The following VTI1A variants were observed in gnomAD, a reference collection of about 807,000 sequenced individuals.
VTI1A encodes the protein vesicle transport through interaction with t-SNAREs 1A.
In VTI1A, 22 loss-of-function variants were observed where a neutral mutation model predicts 34.9. That is an observed-to-expected ratio of 0.63 (90% CI 0.45 to 0.90). The LOEUF (loss-of-function observed/expected upper bound fraction) is 0.90. Among genes scored for constraint, VTI1A ranks in the 40% least tolerant of loss-of-function variants. The pLI is 0.00. For synonymous variants in VTI1A, 87 were observed against 97.3 expected, an observed-to-expected ratio of 0.89 and a Z score of 0.62; for missense variants, 268 against 275.6, an observed-to-expected ratio of 0.97 and a Z score of 0.20.
At chr10:112,776,374 C>G (rs866271509) in intron 7 of VTI1A, among the ~76,000 whole-genome samples, 19 of 152,144 alleles carry the variant, frequency 1.2e-4, no homozygotes, top group Middle Eastern at 3.2e-3. Flanking sequence ...CTGCTGCAAC[C>G]TTGGGGAGCT....
chr10:112,742,920 A>G (rs1303041166), intron 7 of VTI1A, among the ~76,000 whole-genome samples: 1 of 152,162 alleles, frequency 6.6e-6, no homozygotes, highest in Non-Finnish European at 1.5e-5. Context: ...TTGTAGATTT[A>G]TAAGCCAGGC....
At chr10:112,827,871 G>A in the VTI1A span, 4 of 152,286 alleles carry the variant, frequency 2.6e-5, no homozygotes, top group South Asian at 4.1e-4. Flanking sequence ...TTTAAATGAT[G>A]AAACTTGGAA....
At chr10:112,707,611 C>T (rs997146103) in intron 7 of VTI1A, among the ~76,000 whole-genome samples, 22 of 152,160 alleles carry the variant, frequency 1.4e-4, no homozygotes, top group African/African-American at 3.6e-4. Context: ...GGATTACAGG[C>T]TTGAGTCACC....
chr10:112,737,816 AT>A, intron 7 of VTI1A: 1 of 1,060,222 alleles, frequency 9.4e-7, no homozygotes, highest in African/African-American at 1.6e-5. Flanking sequence ...TTGCTGAGTC[AT>A]TTTTCTTGCA....
In VTI1A at chr10:112,614,132, C is replaced by T. The variant is rs116717967; in HGVS notation, c.428-54086C>T. Reference sequence around the variant, plus strand: ...TACTCATGGAAATGTGCTCAGTTAACCCCTGAGTTCGTTAGTTAAAGAAGG... The same window carrying T: ...TACTCATGGAAATGTGCTCAGTTAATCCCTGAGTTCGTTAGTTAAAGAAGG... On this transcript the variant is annotated intron_variant, in intron 5 of 7. Coordinates refer to ENST00000393077, the MANE Select transcript of VTI1A (RefSeq NM_145206.4). Among the ~76,000 whole-genome samples, 1,079 of 152,176 alleles carry T rather than the reference C, an allele frequency of 7.1e-3. 15 individuals carry two copies. The highest frequency in any genetic ancestry group is 0.024 in the African/African-American group (1,008 of 41,498).
At chr10:112,557,771 A>G (rs980522066) in intron 5 of VTI1A, among the ~76,000 whole-genome samples, 1 of 152,166 alleles carries the variant, frequency 6.6e-6, no homozygotes, top group African/African-American at 2.4e-5. Context: ...ATAACTGCAT[A>G]TGAAAGGTGG....
At chr10:112,670,951 A>G (rs1232710741) in intron 7 of VTI1A, among the ~76,000 whole-genome samples, 1 of 152,250 alleles carries the variant, frequency 6.6e-6, no homozygotes, top group Non-Finnish European at 1.5e-5. Context: ...CAGGATATTC[A>G]GATATTTTCA....
intron 1 of VTI1A, among the ~76,000 whole-genome samples, chr10:112,459,325 C>T (rs1167715506): frequency 1.3e-5 from 2 of 152,166 alleles, no homozygotes; most frequent in Non-Finnish European, 2.9e-5. Flanking sequence ...TGGAGCTAGA[C>T]CAATGGATGC....
chr10:112,473,298 G>A (rs1589806577), intron 3 of VTI1A, among the ~76,000 whole-genome samples: 1 of 151,868 alleles, frequency 6.6e-6, no homozygotes, highest in Non-Finnish European at 1.5e-5. Flanking sequence ...TAGTAGAGAC[G>A]GGGTTTCACC....
chr10:112,794,905 G>A lies in VTI1A; in HGVS notation c.561-20385G>A, dbSNP rs558154175. Among the ~76,000 whole-genome samples, 142 of 152,200 alleles carry A rather than the reference G, an allele frequency of 9.3e-4. No homozygotes were observed. In the South Asian group the frequency reaches 0.017, roughly 18 times the overall value. The stretch of plus-strand genomic sequence containing the variant: ...AATTATCAGTACCCAAAGAGCATTC[G>A]TGACAACCCTCAACTCACCGATATT... On this transcript the variant is annotated intron_variant, in intron 7 of 7. Transcript: ENST00000393077.
chr10:112,814,731 C>T (rs760733988), intron 7 of VTI1A, among the ~76,000 whole-genome samples: 3 of 152,164 alleles, frequency 2.0e-5, no homozygotes, highest in Non-Finnish European at 2.9e-5. Flanking sequence ...CGTAACGGAG[C>T]GTGAGCCACA....
intron 7 of VTI1A, among the ~76,000 whole-genome samples, chr10:112,693,313 G>A (rs1443447124): frequency 2.0e-5 from 3 of 152,052 alleles, no homozygotes; most frequent in South Asian, 2.1e-4. Context: ...TTGGGAGCCC[G>A]AGGCAGGCAG....
chr10:112,557,430 G>T (rs1005115705), intron 5 of VTI1A, among the ~76,000 whole-genome samples: 2 of 152,132 alleles, frequency 1.3e-5, no homozygotes, highest in Non-Finnish European at 2.9e-5. Flanking sequence ...GATAAGGCTG[G>T]AGTGGATTTT....
chr10:112,810,401 CAAAAAAA>C (rs55966805), intron 7 of VTI1A, among the ~76,000 whole-genome samples: 1 of 89,408 alleles, frequency 1.1e-5, no homozygotes, highest in African/African-American at 4.5e-5. Context: ...GACTCCATCT[CAAAAAAA>C]AAAAAAAAAA....
intron 1 of VTI1A, chr10:112,448,846 T>C (rs184908911): frequency 5.3e-5 from 8 of 152,338 alleles, no homozygotes; most frequent in Non-Finnish European, 1.2e-4. Flanking sequence ...CCTTATTTCT[T>C]TGTTTTTCTT....
chr10:112,602,116 C>T (rs1319229191), intron 5 of VTI1A, among the ~76,000 whole-genome samples: 1 of 152,060 alleles, frequency 6.6e-6, no homozygotes, highest in Non-Finnish European at 1.5e-5. Context: ...TTAATGTGAG[C>T]ATTTCTAAAG....
intron 7 of VTI1A, among the ~76,000 whole-genome samples, chr10:112,795,993 G>A (rs924643466): frequency 3.9e-5 from 6 of 152,076 alleles, no homozygotes; most frequent in African/African-American, 9.7e-5. Context: ...TTCAACTAGT[G>A]TTTTGAACTA....
intron 3 of VTI1A, among the ~76,000 whole-genome samples, chr10:112,519,406 A>G (rs188396012): frequency 1.3e-5 from 2 of 152,268 alleles, no homozygotes; most frequent in Admixed American, 1.3e-4. Flanking sequence ...GCTTTATTCT[A>G]TCAAATAAAA....
chr10:112,741,258 C>A (rs958792387), intron 7 of VTI1A, among the ~76,000 whole-genome samples: 3 of 152,094 alleles, frequency 2.0e-5, no homozygotes, highest in African/African-American at 7.2e-5. Flanking sequence ...GAGTTCAAGA[C>A]CAGCCTGGCC....
Sources: allele counts gnomAD v4.1 joint callset (sites outside exome capture counted in the v4.1 genomes callset), GRCh38; gene constraint gnomAD v4.1.1; transcripts MANE v1.5; gene names NCBI Gene and HGNC (gene_info 2026-07-23, HGNC 2026-07-21).